The following ARHGAP31 variants were observed in gnomAD, a reference collection of about 807,000 sequenced individuals.
The protein encoded by ARHGAP31 is Rho GTPase activating protein 31.
Under a neutral mutation model 113.9 loss-of-function variants are expected in ARHGAP31, and 34 were observed. The observed-to-expected ratio is 0.30, with a 90% CI of 0.23 to 0.40. The LOEUF (loss-of-function observed/expected upper bound fraction) is 0.40, where lower values mean the gene tolerates loss of function less well. Among genes scored for constraint, ARHGAP31 ranks in the 10% least tolerant of loss-of-function variants. The pLI is 1.00. For synonymous variants in ARHGAP31, 650 were observed against 684.8 expected (o/e 0.95, Z 0.79); for missense variants, 1,548 against 1,767.1 (o/e 0.88, Z 2.22).
intron 1 of ARHGAP31, among the ~76,000 whole-genome samples, chr3:119,361,664 G>A (rs1014685681): frequency 3.9e-5 from 6 of 152,230 alleles, no homozygotes; most frequent in Non-Finnish European, 7.3e-5. Flanking sequence ...TTACAGGCGT[G>A]AGCCACTGTG....
chr3:119,347,602 C>G (rs2080071285), intron 1 of ARHGAP31, among the ~76,000 whole-genome samples: 1 of 152,166 alleles, frequency 6.6e-6, no homozygotes, highest in Non-Finnish European at 1.5e-5. Flanking sequence ...GGTACAAGCT[C>G]AAGTAGAGAT....
At chr3:119,317,462 TCACTGCGCCTGGC>T (rs1349697802) in intron 1 of ARHGAP31, among the ~76,000 whole-genome samples, 1 of 152,066 alleles carries the variant, frequency 6.6e-6, no homozygotes, top group Admixed American at 6.6e-5. Flanking sequence ...CAGGCGTGAG[TCACTGCGCCTGGC>T]CACATTTCTA....
rs538254808 is a variant in ARHGAP31 at position 119,416,268 on chromosome 3, C to T, written c.*4C>T. On this transcript the variant is annotated 3_prime_UTR_variant, in exon 12 of 12. Coordinates refer to ENST00000264245, the MANE Select transcript of ARHGAP31 (RefSeq NM_020754.4). ...AAGTGGGAGGCAAATAGAATGATTTCGGTTCACCTGCTGGTGTCTGAAAAA... is the reference window on the plus strand; with the variant it reads ...AAGTGGGAGGCAAATAGAATGATTTTGGTTCACCTGCTGGTGTCTGAAAAA... 14 of 1,613,304 alleles carry T rather than the reference C, an allele frequency of 8.7e-6. No individual in the cohort carries two copies. Among genetic ancestry groups the T allele is most frequent in the East Asian group, 4.5e-5 (2 of 44,888 alleles).
At position 119,295,012 on chromosome 3, in the gene ARHGAP31, G is replaced by T; in HGVS notation, c.100+8G>T. The T allele has an allele frequency of 1.9e-6, 3 of 1,613,838 alleles. No homozygotes were observed. The highest frequency in any genetic ancestry group is 2.5e-6 in the Non-Finnish European group (3 of 1,179,794). On this transcript the variant is annotated splice_region_variant and intron_variant, in intron 1 of 11. Transcript: ENST00000264245. ...AAAGCTCGGGACAGGATGGTAATGT[G>T]CCTTGGCCTTTCTCCCCCGCCCCCA...
intron 1 of ARHGAP31, among the ~76,000 whole-genome samples, chr3:119,300,065 A>G (rs2079567455): frequency 6.6e-6 from 1 of 152,170 alleles, no homozygotes; most frequent in African/African-American, 2.4e-5. Context: ...GGAGGATCCT[A>G]TTAGGAGTTT....
At chr3:119,365,533 A>C in intron 2 of ARHGAP31, 115 bp downstream of exon 2, 1 of 894,598 alleles carries the variant, frequency 1.1e-6, no homozygotes, top group Non-Finnish European at 1.8e-6. Flanking sequence ...GAAGTGTGGC[A>C]GCACCGAAGA....
chr3:119,342,606 G>A (rs1009672693), intron 1 of ARHGAP31, among the ~76,000 whole-genome samples: 1 of 152,162 alleles, frequency 6.6e-6, no homozygotes, highest in African/African-American at 2.4e-5. Context: ...ATAAGTAAGA[G>A]CCTCAAGGCC....
chr3:119,349,353 T>C (rs2107615931), intron 1 of ARHGAP31, among the ~76,000 whole-genome samples: 1 of 152,284 alleles, frequency 6.6e-6, no homozygotes, highest in Non-Finnish European at 1.5e-5. Context: ...GAGCTTGGTG[T>C]CCCATTTTTG....
chr3:119,328,676 T>C (rs745392415), intron 1 of ARHGAP31, among the ~76,000 whole-genome samples: 7 of 152,162 alleles, frequency 4.6e-5, no homozygotes, highest in Non-Finnish European at 7.3e-5. Context: ...AGTCTCACTG[T>C]GTTGCCCAGG....
Position 119,413,846 on chromosome 3 carries a change from T to C in ARHGAP31, c.1927-10T>C, listed in dbSNP as rs2080741103. 1 of 1,614,106 alleles carries C rather than the reference T, an allele frequency of 6.2e-7. No individual in the cohort carries two copies. The highest frequency in any genetic ancestry group is 8.5e-7 in the Non-Finnish European group (1 of 1,180,048). Reference sequence around the variant, plus strand: ...AGTTCTAAGACAATCAGTTTATTGATGTTTTTCAGGATGAAGATGATCTGG... The same window carrying C: ...AGTTCTAAGACAATCAGTTTATTGACGTTTTTCAGGATGAAGATGATCTGG... On this transcript the variant is annotated splice_polypyrimidine_tract_variant and intron_variant, in intron 11 of 11. Coordinates refer to ENST00000264245, the MANE Select transcript of ARHGAP31 (RefSeq NM_020754.4).
At chr3:119,319,417 G>A (rs988303440) in intron 1 of ARHGAP31, among the ~76,000 whole-genome samples, 3 of 151,924 alleles carry the variant, frequency 2.0e-5, no homozygotes, top group Non-Finnish European at 4.4e-5. Flanking sequence ...CTCTGCCACC[G>A]TCTTTTATTT....
chr3:119,394,490 TATGTC>T (rs966710494), intron 8 of ARHGAP31, among the ~76,000 whole-genome samples: 4 of 151,910 alleles, frequency 2.6e-5, no homozygotes, highest in African/African-American at 9.7e-5. Context: ...AGCTGAATAT[TATGTC>T]AGGAAAGAGA....
At chr3:119,412,343 A>C in intron 11 of ARHGAP31, among the ~76,000 whole-genome samples, 1 of 151,934 alleles carries the variant, frequency 6.6e-6, no homozygotes, top group South Asian at 2.1e-4. Context: ...AGCCGAAATC[A>C]TGCCACTGCA....
intron 9 of ARHGAP31, among the ~76,000 whole-genome samples, chr3:119,400,184 C>T (rs2080588242): frequency 6.6e-6 from 1 of 152,184 alleles, no homozygotes; most frequent in African/African-American, 2.4e-5. Flanking sequence ...GTAATCCCAG[C>T]ACTTTGGGAG....
chr3:119,402,272 C>A lies in ARHGAP31; in HGVS notation c.1520C>A (p.Thr507Lys), dbSNP rs1430410558. The change falls in exon 10 of 12, where the codon ACG (threonine) becomes AAG (lysine). Residue 507 changes from threonine (T) to lysine (K), a missense_variant. Physicochemically the swap from Thr to Lys is moderately conservative, Grantham distance 78. Coordinates refer to ENST00000264245, the MANE Select transcript of ARHGAP31 (RefSeq NM_020754.4). ...RVSAVISTNS[T>K]PCRTPPKELQ... ...TCCGCAGTCATCAGCACCAACAGCA[C>A]GCCGTGCAGAACACCCCCGAAGGAG... 1.9e-6 allele frequency: 3 copies of A among 1,614,268 alleles called. No homozygotes were observed. The Admixed American group carries it at 5.0e-5, about 27-fold the overall frequency.
intron 1 of ARHGAP31, among the ~76,000 whole-genome samples, chr3:119,351,706 G>T (rs940848318): frequency 1.3e-5 from 2 of 152,128 alleles, no homozygotes; most frequent in African/African-American, 4.8e-5. Context: ...GAAGCATACA[G>T]TTCAAGAAAC....
chr3:119,387,167 C>A (rs1472191345), intron 6 of ARHGAP31, among the ~76,000 whole-genome samples: 1 of 152,190 alleles, frequency 6.6e-6, no homozygotes, highest in Non-Finnish European at 1.5e-5. Context: ...CCTTTTGCTA[C>A]CGCTGGACCA....
At chr3:119,381,136 A>G in intron 4 of ARHGAP31, 150 bp downstream of exon 4, 1 of 762,272 alleles carries the variant, frequency 1.3e-6, no homozygotes, top group African/African-American at 1.7e-5. Flanking sequence ...ACAGGTCACT[A>G]TTATCAAAGT....
At chr3:119,392,006 C>G (rs2080509049) in intron 7 of ARHGAP31, among the ~76,000 whole-genome samples, 1 of 152,204 alleles carries the variant, frequency 6.6e-6, no homozygotes, top group South Asian at 2.1e-4. Flanking sequence ...AATGCATTTT[C>G]TCTGTGCTTT....
Sources: allele counts gnomAD v4.1 joint callset (sites outside exome capture counted in the v4.1 genomes callset), GRCh38; gene constraint gnomAD v4.1.1; transcripts MANE v1.5; gene names NCBI Gene and HGNC (gene_info 2026-07-23, HGNC 2026-07-21).